PDE4A: variants seen among roughly 807,000 people sequenced by gnomAD.
The protein encoded by PDE4A is 3',5'-cyclic-AMP phosphodiesterase 4A.
A neutral mutation model predicts 73.9 loss-of-function variants in PDE4A; 21 were observed. The observed-to-expected ratio is 0.28, with a 90% CI of 0.20 to 0.41. The LOEUF (loss-of-function observed/expected upper bound fraction) is 0.41, where lower values mean the gene tolerates loss of function less well. Among genes scored for constraint, PDE4A ranks in the 10% least tolerant of loss-of-function variants. The pLI, the probability that PDE4A is intolerant of heterozygous loss-of-function variation, is 1.00. For missense variants in PDE4A, 958 were observed against 1,211.4 expected (o/e 0.79, Z 3.10); for synonymous variants, 463 against 505.4 (o/e 0.92, Z 1.13).
At chr19:10,428,860 C>A (rs897719866) in intron 1 of PDE4A, 2 of 985,252 alleles carry the variant, frequency 2.0e-6, no homozygotes, top group African/African-American at 3.5e-5. Context: ...CTGTTGGGCG[C>A]AGTGGCTCAC....
intron 1 of PDE4A, among the ~76,000 whole-genome samples, chr19:10,429,571 C>T (rs2042761839): frequency 6.6e-6 from 1 of 152,170 alleles, no homozygotes; most frequent in East Asian, 1.9e-4. Flanking sequence ...CTCCTGGGCT[C>T]AAGTGATCCG....
chr19:10,430,219 G>C (rs1402271452), intron 1 of PDE4A, among the ~76,000 whole-genome samples: 2 of 151,912 alleles, frequency 1.3e-5, no homozygotes, highest in Non-Finnish European at 2.9e-5. Flanking sequence ...AGTGCCCCCA[G>C]AGATTTGGGG....
chr19:10,417,631 C>A, upstream of PDE4A: 1 of 1,562,954 alleles, frequency 6.4e-7, no homozygotes, highest in South Asian at 1.2e-5. Context: ...AGCCAGGCCA[C>A]GCCCCTATTC....
chr19:10,445,631 G>A (rs914090534), intron 1 of PDE4A, among the ~76,000 whole-genome samples: 4 of 151,722 alleles, frequency 2.6e-5, no homozygotes, highest in African/African-American at 7.3e-5. Context: ...AGCCAGGTGC[G>A]GTGGTGCATG....
At chr19:10,446,643 G>A (rs1179552924) in intron 2 of PDE4A, among the ~76,000 whole-genome samples, 1 of 150,960 alleles carries the variant, frequency 6.6e-6, no homozygotes, top group Non-Finnish European at 1.5e-5. Context: ...CGTCCAGGCT[G>A]GAGTGTAGAG....
chr19:10,432,103 G>A (rs1475017053), intron 1 of PDE4A, among the ~76,000 whole-genome samples: 2 of 151,466 alleles, frequency 1.3e-5, no homozygotes, highest in African/African-American at 2.4e-5. Context: ...GGCCGGAGGC[G>A]GTGGCAGGAG....
At chr19:10,463,196 TCTC>T (rs1356019736) in intron 13 of PDE4A, among the ~76,000 whole-genome samples, 1 of 151,680 alleles carries the variant, frequency 6.6e-6, no homozygotes, top group Non-Finnish European at 1.5e-5. Context: ...CTGCAGCAAT[TCTC>T]CTGCCTCAGC....
intron 1 of PDE4A, chr19:10,428,888 G>A (rs2042751443): frequency 1.0e-6 from 1 of 985,252 alleles, no homozygotes; most frequent in Admixed American, 6.2e-5. Context: ...GATCACTTGA[G>A]GCCAGGAATT....
upstream of PDE4A, chr19:10,417,614 G>A (rs763928127): frequency 4.6e-6 from 7 of 1,536,496 alleles, no homozygotes; most frequent in South Asian, 6.0e-5. Flanking sequence ...GGGGCTCAGA[G>A]CTTCCCAGCC....
At chr19:10,435,807 G>A (rs2042858100) in intron 1 of PDE4A, among the ~76,000 whole-genome samples, 1 of 152,128 alleles carries the variant, frequency 6.6e-6, no homozygotes, top group Non-Finnish European at 1.5e-5. Flanking sequence ...AAGCCAGGGA[G>A]GGGTGACTCT....
chr19:10,442,691 T>C (rs1280556536), intron 1 of PDE4A, among the ~76,000 whole-genome samples: 2 of 150,780 alleles, frequency 1.3e-5, no homozygotes, highest in Non-Finnish European at 2.9e-5. Flanking sequence ...ATTACCTTAT[T>C]ATTATAATTA....
upstream of PDE4A, chr19:10,420,280 G>T (rs2042631030): frequency 6.4e-6 from 3 of 471,784 alleles, no homozygotes; most frequent in Non-Finnish European, 8.3e-6. The surrounding 1 kb of genome is among the most constrained non-coding windows in gnomAD (Gnocchi z 6.0). Flanking sequence ...TAACTCCTTC[G>T]TGCCTGTGCG....
At chr19:10,435,944 C>G (rs1404188614) in intron 1 of PDE4A, among the ~76,000 whole-genome samples, 1 of 152,142 alleles carries the variant, frequency 6.6e-6, no homozygotes, top group Non-Finnish European at 1.5e-5. Context: ...CAGGGGACAT[C>G]GGGTCTTGAA....
chr19:10,445,494 G>A (rs187136264), intron 1 of PDE4A, among the ~76,000 whole-genome samples: 73 of 152,176 alleles, frequency 4.8e-4, no homozygotes, highest in Non-Finnish European at 8.2e-4. Flanking sequence ...TTGGTTGGGC[G>A]CAGTGGCTCA....
chr19:10,461,870 C>G lies in PDE4A; in HGVS notation c.1621-7C>G, dbSNP rs566214257. 2.5e-6 allele frequency: 4 copies of G among 1,611,760 alleles called. No homozygotes were observed. Among genetic ancestry groups the G allele is most frequent in the South Asian group, 1.1e-5 (1 of 90,936 alleles). Reference sequence around the variant, plus strand: ...CAGCGGCCCCAGTGACGCCCCCTTGCCCGCAGGTGCTGGCCACGGACATGT... The same window carrying G: ...CAGCGGCCCCAGTGACGCCCCCTTGGCCGCAGGTGCTGGCCACGGACATGT... On this transcript the variant is annotated splice_polypyrimidine_tract_variant and splice_region_variant and intron_variant, in intron 12 of 14. Coordinates refer to ENST00000380702, the MANE Select transcript of PDE4A (RefSeq NM_001111307.2).
chr19:10,444,925 G>A (rs1173663205), intron 1 of PDE4A, among the ~76,000 whole-genome samples: 2 of 152,140 alleles, frequency 1.3e-5, no homozygotes, highest in Admixed American at 6.6e-5. Context: ...TGCCCACCTT[G>A]GCCTCCCAAA....
chr19:10,446,800 G>A (rs1210394892), intron 2 of PDE4A, among the ~76,000 whole-genome samples: 1 of 151,742 alleles, frequency 6.6e-6, no homozygotes, highest in Non-Finnish European at 1.5e-5. Flanking sequence ...CACCATGTTG[G>A]CCAGGCTGGT....
At chr19:10,442,578 C>T (rs1468158607) in intron 1 of PDE4A, among the ~76,000 whole-genome samples, 2 of 151,738 alleles carry the variant, frequency 1.3e-5, no homozygotes, top group Non-Finnish European at 2.9e-5. Flanking sequence ...TTAGGCATAG[C>T]GTTTCATGTC....
chr19:10,442,901 T>TTAGCAATATTGCATATGCATATATAATAC (rs2145511270), intron 1 of PDE4A, among the ~76,000 whole-genome samples: 1 of 150,516 alleles, frequency 6.6e-6, no homozygotes, highest in African/African-American at 2.4e-5. Flanking sequence ...GTATGCAATA[T>TTAGCAATATTGCATATGCATATATAATAC]TAGCAATATT....
Sources: gnomAD v4.1 joint callset for allele counts (sites outside exome capture counted in the v4.1 genomes callset) on GRCh38, gnomAD v4.1.1 for gene constraint, Gnocchi (gnomAD v3.1) non-coding constraint, MANE v1.5 for transcripts, NCBI Gene and HGNC (gene_info 2026-07-23, HGNC 2026-07-21) for gene names.